Variants in TNRC6B observed in about 807,000 individuals in gnomAD.
TNRC6B encodes trinucleotide repeat containing adaptor 6B.
A neutral mutation model predicts 203.6 loss-of-function variants in TNRC6B; 52 were observed. The observed-to-expected ratio is 0.26, with a 90% CI of 0.20 to 0.32. TNRC6B has a LOEUF of 0.32. Among genes scored for constraint, TNRC6B ranks in the 10% least tolerant of loss-of-function variants. The pLI, the probability that TNRC6B is intolerant of heterozygous loss-of-function variation, is 1.00. For synonymous variants in TNRC6B, 838 were observed against 845.7 expected (o/e 0.99, Z 0.16); for missense variants, 1,923 against 2,286.2 (o/e 0.84, Z 3.24).
chr22:40,204,243 G>A (rs1420301600), intron 1 of TNRC6B, among the ~76,000 whole-genome samples: 1 of 152,226 alleles, frequency 6.6e-6, no homozygotes, highest in Non-Finnish European at 1.5e-5. Flanking sequence ...TATAGGAAAA[G>A]GAGGTATAGG....
intron 1 of TNRC6B, among the ~76,000 whole-genome samples, chr22:40,098,345 A>T (rs1371162819): frequency 7.3e-6 from 1 of 137,760 alleles, no homozygotes; most frequent in Non-Finnish European, 1.5e-5. Context: ...AAACTGCGCC[A>T]TTGCACTCCA....
chr22:40,116,256 A>C (rs1266636736), intron 1 of TNRC6B, among the ~76,000 whole-genome samples: 1 of 151,994 alleles, frequency 6.6e-6, no homozygotes, highest in Non-Finnish European at 1.5e-5. Context: ...TGCTGGTCCC[A>C]GATGAGCCTC....
intron 5 of TNRC6B, among the ~76,000 whole-genome samples, chr22:40,269,382 C>T (rs1393805757): frequency 6.6e-6 from 1 of 151,934 alleles, no homozygotes; most frequent in Non-Finnish European, 1.5e-5. Context: ...GATCCACCCG[C>T]CTTGGCTCCT....
At chr22:40,071,717 G>GA (rs2067949794) in intron 1 of TNRC6B, among the ~76,000 whole-genome samples, 1 of 152,074 alleles carries the variant, frequency 6.6e-6, no homozygotes, top group Admixed American at 6.6e-5. Flanking sequence ...TTCTGATTAG[G>GA]CATTATAACC....
intron 1 of TNRC6B, among the ~76,000 whole-genome samples, chr22:40,238,614 C>T (rs965586478): frequency 1.1e-4 from 17 of 152,088 alleles, no homozygotes; most frequent in Non-Finnish European, 1.0e-4. Flanking sequence ...AATGTTCACC[C>T]CCAGATACCC....
intron 1 of TNRC6B, among the ~76,000 whole-genome samples, chr22:40,102,659 C>T (rs1254479535): frequency 6.6e-6 from 1 of 151,984 alleles, no homozygotes; most frequent in Non-Finnish European, 1.5e-5. Flanking sequence ...GTAAATTGCC[C>T]AGTTGTGGTA....
intron 16 of TNRC6B, among the ~76,000 whole-genome samples, chr22:40,309,352 TC>T (rs1039173452): frequency 8.5e-5 from 13 of 152,234 alleles, no homozygotes; most frequent in African/African-American, 2.7e-4. Flanking sequence ...GTCCGGCTGT[TC>T]CTGCTGCAGC....
chr22:40,186,582 A>G (rs1167474371), intron 1 of TNRC6B, among the ~76,000 whole-genome samples: 1 of 151,950 alleles, frequency 6.6e-6, no homozygotes, highest in Non-Finnish European at 1.5e-5. Context: ...TACTAAAAAT[A>G]CAAAAATTAG....
At chr22:40,315,740 A>G (rs2071248869) in intron 20 of TNRC6B, among the ~76,000 whole-genome samples, 1 of 151,910 alleles carries the variant, frequency 6.6e-6, no homozygotes, top group African/African-American at 2.4e-5. Context: ...CACTGGGAGG[A>G]AAATACTGTC....
chr22:40,185,149 G>A (rs1022211647), intron 1 of TNRC6B, among the ~76,000 whole-genome samples: 8 of 152,026 alleles, frequency 5.3e-5, no homozygotes, highest in African/African-American at 1.7e-4. Flanking sequence ...TGCCACCACG[G>A]CCAGCTAATT....
chr22:40,170,888 CATATATACCT>C (rs1477453442), intron 4 of TNRC6B, among the ~76,000 whole-genome samples: 2 of 133,162 alleles, frequency 1.5e-5, no homozygotes, highest in Non-Finnish European at 3.2e-5. Flanking sequence ...TGTGTGTATA[CATATATACCT>C]ATATATGTGC....
chr22:40,239,817 A>G (rs1455935653), intron 1 of TNRC6B, among the ~76,000 whole-genome samples: 1 of 151,928 alleles, frequency 6.6e-6, no homozygotes, highest in African/African-American at 2.4e-5. Flanking sequence ...TATTGTGAAT[A>G]TTGGGTATTT....
Position 40,235,755 on chromosome 22 carries a change from C to T in TNRC6B, c.6-10260C>T, listed in dbSNP as rs144229331. ...CTGCTATACTTAAGGAATACTTGATCGATTAAACTAACAATTTGAGCATGT... is the reference window on the plus strand; with the variant it reads ...CTGCTATACTTAAGGAATACTTGATTGATTAAACTAACAATTTGAGCATGT... On this transcript the variant is annotated intron_variant, in intron 1 of 22. Coordinates refer to ENST00000454349, the MANE Select transcript of TNRC6B (RefSeq NM_001162501.2). Among the ~76,000 whole-genome samples the T allele has an allele frequency of 2.0e-4, 31 of 152,232 alleles. No homozygotes were observed. In the East Asian group the frequency reaches 6.0e-3, roughly 29 times the overall value.
intron 3 of TNRC6B, among the ~76,000 whole-genome samples, chr22:40,132,859 G>A (rs982723509): frequency 1.4e-5 from 2 of 146,534 alleles, no homozygotes; most frequent in African/African-American, 5.0e-5. Flanking sequence ...CAGGAGAATG[G>A]CGTGAACCTG....
rs922515224 is a variant in TNRC6B, at chr22:40,202,195, C to T, written c.5+24055C>T. Among the ~76,000 whole-genome samples, 16 of 150,884 alleles carry T rather than the reference C, an allele frequency of 1.1e-4. 2 individuals are homozygous for T. The highest frequency in any genetic ancestry group is 9.2e-4 in the Admixed American group (14 of 15,162). On this transcript the variant is annotated intron_variant, in intron 1 of 22. Coordinates refer to ENST00000454349, the MANE Select transcript of TNRC6B (RefSeq NM_001162501.2). ...ATTTGATGTTTTGTTTCTGTATACC[C>T]TGCTTGAAAAACCAGAATAGGCTTT...
intron 3 of TNRC6B, among the ~76,000 whole-genome samples, chr22:40,145,205 C>T (rs564994604): frequency 3.2e-4 from 49 of 152,040 alleles, no homozygotes; most frequent in African/African-American, 1.1e-3. Flanking sequence ...ATAATTGTGC[C>T]GTTGCACTGC....
At chr22:40,176,193 C>T (rs927822556), upstream of TNRC6B, among the ~76,000 whole-genome samples, 2 of 149,598 alleles carry the variant, frequency 1.3e-5, no homozygotes, top group East Asian at 2.0e-4. Context: ...GGCGCGATCT[C>T]GGCTCACCAC....
intron 3 of TNRC6B, among the ~76,000 whole-genome samples, chr22:40,255,248 C>G (rs2070254211): frequency 1.3e-5 from 2 of 152,238 alleles, no homozygotes; most frequent in African/African-American, 4.8e-5. Flanking sequence ...GGAAAAGCTT[C>G]TAGCTCAGTA....
intron 1 of TNRC6B, among the ~76,000 whole-genome samples, chr22:40,208,180 G>A (rs1444221703): frequency 6.6e-6 from 1 of 151,572 alleles, no homozygotes; most frequent in Non-Finnish European, 1.5e-5. Flanking sequence ...TGGAATAGCA[G>A]GAGCTTTTAC....
Sources: allele counts gnomAD v4.1 joint callset (sites outside exome capture counted in the v4.1 genomes callset), GRCh38; gene constraint gnomAD v4.1.1; transcripts MANE v1.5; gene names NCBI Gene and HGNC (gene_info 2026-07-23, HGNC 2026-07-21).